LDLRAD3: variants seen among roughly 807,000 people sequenced by gnomAD.
LDLRAD3 encodes low-density lipoprotein receptor class A domain-containing protein 3.
In LDLRAD3, 20 loss-of-function variants were observed where a neutral mutation model predicts 29.4. The observed-to-expected ratio is 0.68, with a 90% CI of 0.48 to 0.99. LDLRAD3 has a LOEUF of 0.99. Among genes scored for constraint, LDLRAD3 ranks in the 50% least tolerant of loss-of-function variants. The pLI is 0.00. For synonymous variants in LDLRAD3, 157 were observed against 192.7 expected, an observed-to-expected ratio of 0.81 and a Z score of 1.53; for missense variants, 420 against 454.3, an observed-to-expected ratio of 0.92 and a Z score of 0.69.
intron 1 of LDLRAD3, among the ~76,000 whole-genome samples, chr11:35,957,671 G>A (rs978773197): frequency 9.2e-5 from 14 of 151,800 alleles, no homozygotes; most frequent in African/African-American, 2.9e-4. Context: ...ACAGTGGTGT[G>A]CATCTATAGT....
chr11:36,008,983 T>C (rs1380731165), intron 1 of LDLRAD3, among the ~76,000 whole-genome samples: 9 of 152,202 alleles, frequency 5.9e-5, no homozygotes. Context: ...AATTGACCAT[T>C]CTCTTACCTT....
intron 2 of LDLRAD3, among the ~76,000 whole-genome samples, chr11:36,068,486 TA>T (rs1395754428): frequency 6.6e-6 from 1 of 152,160 alleles, no homozygotes; most frequent in African/African-American, 2.4e-5. Flanking sequence ...TCTCAGTGAT[TA>T]CGTGGTGGAA....
chr11:36,177,781 G>A (rs1481038241), intron 4 of LDLRAD3, among the ~76,000 whole-genome samples: 1 of 152,192 alleles, frequency 6.6e-6, no homozygotes, highest in African/African-American at 2.4e-5. Context: ...TAGTCCGCTG[G>A]TTTTCACAAA....
chr11:36,058,733 A>G (rs1047964001), intron 2 of LDLRAD3, among the ~76,000 whole-genome samples: 2 of 152,182 alleles, frequency 1.3e-5, no homozygotes, highest in African/African-American at 4.8e-5. Context: ...CCTCATAGTC[A>G]TTTGGCAATG....
intron 4 of LDLRAD3, among the ~76,000 whole-genome samples, chr11:36,161,085 G>T (rs11828502): frequency 6.6e-6 from 1 of 152,100 alleles, no homozygotes. Flanking sequence ...GTGAGCCACC[G>T]CGCCTGGCCA....
At chr11:35,990,317 G>T (rs1051204939) in intron 1 of LDLRAD3, among the ~76,000 whole-genome samples, 7 of 152,124 alleles carry the variant, frequency 4.6e-5, no homozygotes, top group Non-Finnish European at 5.9e-5. Flanking sequence ...CCATCTGGAG[G>T]CTCTGAGGGA....
intron 3 of LDLRAD3, among the ~76,000 whole-genome samples, chr11:36,096,178 T>C (rs1168934006): frequency 2.0e-5 from 3 of 152,204 alleles, no homozygotes; most frequent in Non-Finnish European, 4.4e-5. Context: ...ACCTTTCAAA[T>C]CAAACTTTTG....
intron 1 of LDLRAD3, among the ~76,000 whole-genome samples, chr11:36,023,185 C>T (rs551484398): frequency 3.3e-5 from 5 of 152,208 alleles, no homozygotes; most frequent in Non-Finnish European, 7.4e-5. Context: ...ATCTCCCTGG[C>T]GGGGTTGCTT....
chr11:36,055,835 T>C (rs1565190136), intron 2 of LDLRAD3, among the ~76,000 whole-genome samples: 1 of 152,204 alleles, frequency 6.6e-6, no homozygotes, highest in Admixed American at 6.5e-5. Flanking sequence ...TAATTTTCAA[T>C]GGAATGTTCT....
At chr11:36,123,874 G>A (rs958960738) in intron 4 of LDLRAD3, among the ~76,000 whole-genome samples, 1 of 152,210 alleles carries the variant, frequency 6.6e-6, no homozygotes, top group Non-Finnish European at 1.5e-5. Flanking sequence ...GCCTTTTATT[G>A]AGTCTGCCTC....
At position 36,013,238 on chromosome 11, in the gene LDLRAD3, C is replaced by T. The variant is rs550751348; in HGVS notation, c.47-22865C>T. ...GTGCTTATTAGCAGGGCTTCTTAGC[C>T]TCTCAGCAGTTTGCTGATGCAAAGG... On this transcript the variant is annotated intron_variant, in intron 1 of 5. Transcript: ENST00000315571. 7.0e-4 allele frequency among the ~76,000 whole-genome samples: 106 copies of T among 152,278 alleles called. No homozygotes were observed. The Middle Eastern group carries it at 0.017, about 24-fold the overall frequency.
intron 4 of LDLRAD3, among the ~76,000 whole-genome samples, chr11:36,201,548 G>A (rs113277718): frequency 1.8e-3 from 269 of 152,296 alleles, no homozygotes; most frequent in African/African-American, 6.2e-3. Flanking sequence ...AATTTCAACA[G>A]TCATTATGCA....
chr11:36,211,058 C>T (rs1855277998), intron 4 of LDLRAD3, among the ~76,000 whole-genome samples: 1 of 152,190 alleles, frequency 6.6e-6, no homozygotes, highest in Non-Finnish European at 1.5e-5. Context: ...GCTCATGGTT[C>T]ATTGTAGTAT....
Position 36,079,546 on chromosome 11 carries a change from G to A in LDLRAD3, c.194-2107G>A, listed in dbSNP as rs527766536. Among the ~76,000 whole-genome samples the A allele has an allele frequency of 2.6e-5, 4 of 152,342 alleles. No homozygotes were observed. The East Asian group carries it at 7.7e-4, about 29-fold the overall frequency. On this transcript the variant is annotated intron_variant, in intron 2 of 5. Coordinates refer to ENST00000315571, the MANE Select transcript of LDLRAD3 (RefSeq NM_174902.4). ...ACTGATAAGTGCTGTGGATACAACT[G>A]GTTGGGGCTGATGTTGTGGGTGGTG... is the stretch of plus-strand genomic sequence containing the variant.
chr11:36,229,058 C>T (rs1264888969), intron 5 of LDLRAD3, 102 bp from the exon 6 acceptor site: 1 of 785,868 alleles, frequency 1.3e-6, no homozygotes, highest in Non-Finnish European at 2.2e-6. Context: ...GCACTGGAAA[C>T]ACTGTCTCAG....
intron 4 of LDLRAD3, among the ~76,000 whole-genome samples, chr11:36,129,693 C>A (rs1853896539): frequency 6.6e-6 from 1 of 152,040 alleles, no homozygotes; most frequent in African/African-American, 2.4e-5. Context: ...TGGAAGGAGG[C>A]ATCCCAGCTG....
At chr11:36,168,624 A>G (rs943271468) in intron 4 of LDLRAD3, among the ~76,000 whole-genome samples, 1 of 150,888 alleles carries the variant, frequency 6.6e-6, no homozygotes, top group Non-Finnish European at 1.5e-5. Flanking sequence ...TCAATAGGGT[A>G]GCCTCCACAA....
intron 4 of LDLRAD3, among the ~76,000 whole-genome samples, chr11:36,191,262 G>T (rs915730826): frequency 6.6e-6 from 1 of 152,082 alleles, no homozygotes; most frequent in African/African-American, 2.4e-5. Flanking sequence ...CAAGTAGTAT[G>T]GTGGCTCACT....
chr11:36,078,419 G>A (rs900670156), intron 2 of LDLRAD3, among the ~76,000 whole-genome samples: 6 of 152,208 alleles, frequency 3.9e-5, no homozygotes, highest in Non-Finnish European at 7.3e-5. Flanking sequence ...CCCAAAGTCC[G>A]GAGGCGGCTG....
Sources: allele counts gnomAD v4.1 joint callset (sites outside exome capture counted in the v4.1 genomes callset), GRCh38; gene constraint gnomAD v4.1.1; transcripts MANE v1.5; gene names NCBI Gene and HGNC (gene_info 2026-07-23, HGNC 2026-07-21).